SCLT1: variants seen among roughly 807,000 people sequenced by gnomAD.
SCLT1 encodes the protein sodium channel and clathrin linker 1, also known as sodium channel-associated protein 1.
In SCLT1, 78 loss-of-function variants were observed where a neutral mutation model predicts 112.8. The observed-to-expected ratio is 0.69, with a 90% CI of 0.58 to 0.83. SCLT1 has a LOEUF of 0.83. Ranked by LOEUF, SCLT1 falls within the 40% of genes least tolerant of loss-of-function variation. The pLI is 0.00. For synonymous variants in SCLT1, 257 were observed against 254.7 expected, an observed-to-expected ratio of 1.01 and a Z score of -0.09; for missense variants, 747 against 770.4, an observed-to-expected ratio of 0.97 and a Z score of 0.36.
intron 2 of SCLT1, among the ~76,000 whole-genome samples, chr4:129,069,900 T>C (rs1364243258): frequency 1.3e-4 from 20 of 152,170 alleles, no homozygotes; most frequent in Non-Finnish European, 1.9e-4. Flanking sequence ...TTGTCATAGA[T>C]GGCTTTTATT....
chr4:128,935,898 T>A, intron 18 of SCLT1, among the ~76,000 whole-genome samples: 1 of 152,094 alleles, frequency 6.6e-6, no homozygotes, highest in East Asian at 1.9e-4. Context: ...CTTATTGTAA[T>A]CTCCTCCCTG....
chr4:128,912,734 C>A lies in SCLT1; in HGVS notation c.1830-21597G>T, dbSNP rs1366054711. Among the ~76,000 whole-genome samples the A allele has an allele frequency of 3.3e-5, 5 of 152,006 alleles. No individual in the cohort carries two copies. In the East Asian group the frequency reaches 9.6e-4, roughly 29 times the overall value. ...TCCCCTCCTCCTCTTCGCCCTCCTC[C>A]TCCTTTTTCTTTGTATATATATATA... On this transcript the variant is annotated intron_variant, in intron 18 of 20. Transcript: ENST00000281142.
intron 1 of SCLT1, among the ~76,000 whole-genome samples, chr4:129,089,650 T>A (rs1752668575): frequency 1.3e-5 from 2 of 152,218 alleles, no homozygotes; most frequent in African/African-American, 4.8e-5. Context: ...AAAGGAAATG[T>A]GGCACATATA....
chr4:128,947,689 T>G (rs1313912721), intron 15 of SCLT1, among the ~76,000 whole-genome samples: 1 of 152,184 alleles, frequency 6.6e-6, no homozygotes, highest in African/African-American at 2.4e-5. Context: ...AAGAGCAGGA[T>G]ATTACTGCTA....
chr4:129,060,813 G>A (rs1749899398), intron 2 of SCLT1, among the ~76,000 whole-genome samples: 1 of 152,158 alleles, frequency 6.6e-6, no homozygotes, highest in African/African-American at 2.4e-5. Flanking sequence ...CTGGTGCAGG[G>A]TCTTGGAATG....
At chr4:128,971,693 G>C (rs1740700647) in intron 9 of SCLT1, 1 of 152,066 alleles carries the variant, frequency 6.6e-6, no homozygotes, top group South Asian at 2.1e-4. Flanking sequence ...AGGCATTTAA[G>C]AAAATGTTTT....
rs567934292 is a variant in SCLT1, at chr4:128,936,387, C to T, written c.1829+268G>A. ...GAACAAATATTTCAGGCTTTGCAGG[C>T]GAAATAGATTTTGTTGCAACTATCT... On this transcript the variant is annotated intron_variant, in intron 18 of 20. Transcript: ENST00000281142. Among the ~76,000 whole-genome samples, 18 of 151,838 alleles carry T rather than the reference C, an allele frequency of 1.2e-4. No homozygotes were observed. The East Asian group carries it at 1.6e-3, about 13-fold the overall frequency.
intron 18 of SCLT1, among the ~76,000 whole-genome samples, chr4:128,896,106 TG>T (rs36155229): frequency 0.73 from 110,493 of 152,078 alleles, 40,470 homozygotes; most frequent in African/African-American, 0.82. Flanking sequence ...GCTCCACCTC[TG>T]GGGGCAGGGC....
intron 2 of SCLT1, among the ~76,000 whole-genome samples, chr4:129,047,874 C>A (rs977717660): frequency 5.3e-5 from 8 of 152,012 alleles, no homozygotes; most frequent in African/African-American, 1.9e-4. Context: ...CTTATATATT[C>A]TGGACATTCA....
At chr4:128,957,166 T>TCTTTAC in intron 12 of SCLT1, 42 bp from the exon 13 acceptor site, 1 of 1,217,948 alleles carries the variant, frequency 8.2e-7, no homozygotes, top group Non-Finnish European at 1.2e-6. Context: ...AACATTATTA[T>TCTTTAC]TAGTAAAGAT....
chr4:128,912,206 T>C (rs1482355989), intron 18 of SCLT1, among the ~76,000 whole-genome samples: 1 of 152,196 alleles, frequency 6.6e-6, no homozygotes, highest in Non-Finnish European at 1.5e-5. Context: ...TATTATTAAT[T>C]AAAGACCTAA....
At chr4:128,952,161 C>G (rs190369901) in intron 14 of SCLT1, among the ~76,000 whole-genome samples, 8 of 152,240 alleles carry the variant, frequency 5.3e-5, no homozygotes, top group African/African-American at 1.7e-4. Context: ...AGATATGATT[C>G]ATTGCTAAAT....
intron 2 of SCLT1, among the ~76,000 whole-genome samples, chr4:129,051,636 G>T (rs1414368217): frequency 6.6e-6 from 1 of 152,134 alleles, no homozygotes; most frequent in Non-Finnish European, 1.5e-5. Flanking sequence ...CTGAGACGAT[G>T]GGGTTTTCTA....
chr4:129,040,955 A>G (rs1160013463), intron 4 of SCLT1, among the ~76,000 whole-genome samples: 1 of 152,198 alleles, frequency 6.6e-6, no homozygotes, highest in Non-Finnish European at 1.5e-5. Flanking sequence ...CTTTGGCGGT[A>G]AAGAATGCAA....
chr4:128,979,629 TA>T (rs1201647294), intron 9 of SCLT1, among the ~76,000 whole-genome samples: 1 of 152,184 alleles, frequency 6.6e-6, no homozygotes, highest in African/African-American at 2.4e-5. Context: ...AGAGCCACAA[TA>T]AAAAACTAGA....
At chr4:129,071,508 A>G (rs371466303) in intron 2 of SCLT1, among the ~76,000 whole-genome samples, 28 of 152,282 alleles carry the variant, frequency 1.8e-4, no homozygotes, top group African/African-American at 6.5e-4. Flanking sequence ...CCTGTTGGAT[A>G]AGGCCTTTTA....
chr4:129,082,729 A>C (rs1047881771), intron 1 of SCLT1, among the ~76,000 whole-genome samples: 1 of 152,190 alleles, frequency 6.6e-6, no homozygotes, highest in African/African-American at 2.4e-5. Context: ...AAGCATTGGG[A>C]AGATAAGCTA....
intron 14 of SCLT1, 143 bp downstream of exon 14, chr4:128,952,626 T>C: frequency 1.5e-6 from 1 of 648,190 alleles, no homozygotes; most frequent in Non-Finnish European, 2.8e-6. Context: ...AACATGTCTA[T>C]CTGGATTTTC....
At chr4:129,079,058 A>AT (rs758674666) in intron 2 of SCLT1, among the ~76,000 whole-genome samples, 1 of 152,042 alleles carries the variant, frequency 6.6e-6, no homozygotes, top group African/African-American at 2.4e-5. Flanking sequence ...CAAGGAGAAA[A>AT]TTCACCCCCA....
Sources: gnomAD v4.1 joint callset for allele counts (sites outside exome capture counted in the v4.1 genomes callset) on GRCh38, gnomAD v4.1.1 for gene constraint, MANE v1.5 for transcripts, NCBI Gene and HGNC (gene_info 2026-07-23, HGNC 2026-07-21) for gene names.